CAST: variants seen among roughly 807,000 people sequenced by gnomAD.
CAST encodes calpastatin.
A neutral mutation model predicts 119.6 loss-of-function variants in CAST; 76 were observed. The observed-to-expected ratio is 0.64, with a 90% CI of 0.53 to 0.77. The LOEUF (loss-of-function observed/expected upper bound fraction) is 0.77, where lower values mean the gene tolerates loss of function less well. CAST is among the 30% of genes least tolerant of loss of function. CAST has a pLI of 0.00. For synonymous variants in CAST, 319 were observed against 331.6 expected, an observed-to-expected ratio of 0.96 and a Z score of 0.41; for missense variants, 953 against 946.5, an observed-to-expected ratio of 1.01 and a Z score of -0.09.
chr5:96,409,250 G>A, the CAST span, among the ~76,000 whole-genome samples: 84 of 152,246 alleles, frequency 5.5e-4, no homozygotes, highest in Middle Eastern at 3.4e-3. Context: ...CAGCACCGAA[G>A]TTCTAGCTCG....
intron 3 of CAST, among the ~76,000 whole-genome samples, chr5:96,702,425 C>T (rs550726825): frequency 3.2e-4 from 49 of 152,284 alleles, no homozygotes; most frequent in Admixed American, 3.1e-3. Context: ...TTAAAGAAAT[C>T]CATTACACAG....
chr5:96,032,998 T>C, the CAST span, among the ~76,000 whole-genome samples: 1 of 152,068 alleles, frequency 6.6e-6, no homozygotes, highest in Non-Finnish European at 1.5e-5. Context: ...CACATCAACA[T>C]ACAAAAATAG....
chr5:96,307,031 T>C, the CAST span, among the ~76,000 whole-genome samples: 1 of 152,204 alleles, frequency 6.6e-6, no homozygotes, highest in Non-Finnish European at 1.5e-5. Flanking sequence ...CCTTGATCTG[T>C]CTAATATTAA....
the CAST span, chr5:96,394,881 T>C: frequency 6.2e-7 from 1 of 1,614,084 alleles, no homozygotes; most frequent in Non-Finnish European, 8.5e-7. Context: ...GGATCCACCA[T>C]CTTCTCCACC....
chr5:95,971,266 T>G, the CAST span, among the ~76,000 whole-genome samples: 1 of 152,338 alleles, frequency 6.6e-6, no homozygotes, highest in Middle Eastern at 3.4e-3. Context: ...AAAATTACCC[T>G]ATATTTTACA....
the CAST span, among the ~76,000 whole-genome samples, chr5:96,040,709 C>G: frequency 6.6e-6 from 1 of 152,120 alleles, no homozygotes; most frequent in Non-Finnish European, 1.5e-5. Flanking sequence ...AGCCTTGCAT[C>G]CCAGGGAGGA....
At chr5:96,534,410 G>GCTGGACACGGTGACTCACGC (rs71617122) in intron 1 of CAST, among the ~76,000 whole-genome samples, 2 of 150,772 alleles carry the variant, frequency 1.3e-5, no homozygotes, top group Non-Finnish European at 3.0e-5. Context: ...AGAAAAATAG[G>GCTGGACACGGTGACTCACGC]CTGTAATCCC....
the CAST span, chr5:96,432,850 T>G: frequency 6.2e-7 from 1 of 1,611,716 alleles, no homozygotes; most frequent in Non-Finnish European, 8.5e-7. Context: ...TTCTTGAAAG[T>G]GGAAACTCTT....
the CAST span, among the ~76,000 whole-genome samples, chr5:96,462,893 T>A: frequency 6.6e-6 from 1 of 152,094 alleles, no homozygotes; most frequent in Admixed American, 6.6e-5. Context: ...TTCCCTGCTG[T>A]CTTGTGAAGA....
chr5:96,171,805 A>G, the CAST span, among the ~76,000 whole-genome samples: 256 of 152,372 alleles, frequency 1.7e-3, 4 homozygotes, highest in Non-Finnish European at 1.7e-3. Context: ...TACCCGATTT[A>G]AAATTGGTGA....
At position 96,715,473 on chromosome 5, in the gene CAST, A is replaced by G. The variant is rs77954703; in HGVS notation, c.211-7166A>G. On this transcript the variant is annotated intron_variant, in intron 3 of 31. Coordinates refer to ENST00000675179, the MANE Select transcript of CAST (RefSeq NM_001750.7). ...TATTGTCATATCTGTGTTCAAATTC[A>G]GGCTCTGCCCCTTCTTAACTGTGTA... Among the ~76,000 whole-genome samples the G allele has an allele frequency of 3.8e-3, 580 of 152,360 alleles. 10 individuals carry two copies. The highest frequency in any genetic ancestry group is 0.013 in the African/African-American group (545 of 41,584).
chr5:96,131,620 G>A, the CAST span, among the ~76,000 whole-genome samples: 5 of 152,012 alleles, frequency 3.3e-5, no homozygotes, highest in Admixed American at 6.6e-5. Context: ...TGGGATCACC[G>A]TAACCTACTT....
chr5:96,152,360 GACAGTGA>G, the CAST span, among the ~76,000 whole-genome samples: 24 of 152,218 alleles, frequency 1.6e-4, no homozygotes, highest in Non-Finnish European at 2.4e-4. Context: ...ATCCTGGGCA[GACAGTGA>G]CCTCAGTAAG....
intron 2 of CAST, among the ~76,000 whole-genome samples, chr5:96,694,585 C>G (rs950526669): frequency 2.0e-5 from 3 of 151,984 alleles, no homozygotes; most frequent in Non-Finnish European, 4.4e-5. Flanking sequence ...GAGCCGAGAT[C>G]GCACCACTGC....
the CAST span, among the ~76,000 whole-genome samples, chr5:96,320,147 C>G: frequency 6.6e-6 from 1 of 151,584 alleles, no homozygotes; most frequent in Non-Finnish European, 1.5e-5. Context: ...AACTACTCCT[C>G]CTAAGAAAGT....
intron 2 of CAST, among the ~76,000 whole-genome samples, chr5:96,693,835 C>G (rs1178549477): frequency 3.9e-5 from 6 of 152,198 alleles, no homozygotes; most frequent in African/African-American, 1.4e-4. Context: ...AGCTTCTTAG[C>G]AGCCTCTTTT....
At chr5:96,432,052 A>T in the CAST span, 1 of 1,478,510 alleles carries the variant, frequency 6.8e-7, no homozygotes. Flanking sequence ...GGCAACAATA[A>T]GCTGAAATTC....
At position 96,705,634 on chromosome 5, in the gene CAST, A is replaced by G. The variant is rs141805530; in HGVS notation, c.210+9727A>G. Reference sequence around the variant, plus strand: ...GGTTCTAGTAAAAGAATAGATGAGCATAATCTGTATTAGAACATAGTATTA... The same window carrying G: ...GGTTCTAGTAAAAGAATAGATGAGCGTAATCTGTATTAGAACATAGTATTA... On this transcript the variant is annotated intron_variant, in intron 3 of 31. Transcript: ENST00000675179. 2.9e-3 allele frequency among the ~76,000 whole-genome samples: 439 copies of G among 152,210 alleles called. 2 individuals are homozygous for G. The highest frequency in any genetic ancestry group is 0.01 in the African/African-American group (420 of 41,564).
intron 1 of CAST, among the ~76,000 whole-genome samples, chr5:96,627,355 C>T (rs1747743281): frequency 6.6e-6 from 1 of 152,184 alleles, no homozygotes; most frequent in African/African-American, 2.4e-5. Context: ...GCAGAGTTTT[C>T]CAAAGAGTCA....
Sources: gnomAD v4.1 joint callset for allele counts (sites outside exome capture counted in the v4.1 genomes callset) on GRCh38, gnomAD v4.1.1 for gene constraint, MANE v1.5 for transcripts, NCBI Gene and HGNC (gene_info 2026-07-23, HGNC 2026-07-21) for gene names.